SUPT3H: variants seen among roughly 807,000 people sequenced by gnomAD.
SUPT3H encodes SPT3 homolog, SAGA and STAGA complex component, also known as transcription initiation protein SPT3 homolog.
Under a neutral mutation model 44.3 loss-of-function variants are expected in SUPT3H, and 44 were observed. The observed-to-expected ratio is 0.99, with a 90% CI of 0.78 to 1.28. The LOEUF (loss-of-function observed/expected upper bound fraction) is 1.28. Ranked by LOEUF, SUPT3H falls within the 50% of genes most tolerant of loss-of-function variation. The pLI, the probability that SUPT3H is intolerant of heterozygous loss-of-function variation, is 0.00. For synonymous variants in SUPT3H, 124 were observed against 125.6 expected, an observed-to-expected ratio of 0.99 and a Z score of 0.09; for missense variants, 380 against 387.1, an observed-to-expected ratio of 0.98 and a Z score of 0.15.
chr6:45,190,626 T>C (rs1170860048), intron 2 of SUPT3H, among the ~76,000 whole-genome samples: 1 of 152,122 alleles, frequency 6.6e-6, no homozygotes, highest in African/African-American at 2.4e-5. Context: ...GGGAAGATTT[T>C]AAAAATAAAT....
intron 6 of SUPT3H, among the ~76,000 whole-genome samples, chr6:45,000,907 T>C (rs1172496477): frequency 6.6e-6 from 1 of 152,048 alleles, no homozygotes; most frequent in Non-Finnish European, 1.5e-5. Context: ...TAAGCACCCA[T>C]TGTTTACATC....
At chr6:45,055,166 G>A (rs985978166) in intron 3 of SUPT3H, among the ~76,000 whole-genome samples, 1 of 152,098 alleles carries the variant, frequency 6.6e-6, no homozygotes, top group African/African-American at 2.4e-5. Flanking sequence ...CAGAGATTCT[G>A]AGAGTTGCTA....
At chr6:45,356,743 T>A (rs1174695173) in intron 2 of SUPT3H, among the ~76,000 whole-genome samples, 1 of 152,086 alleles carries the variant, frequency 6.6e-6, no homozygotes. Context: ...AAAGTGTCCA[T>A]CAGTCTCACA....
intron 10 of SUPT3H, among the ~76,000 whole-genome samples, chr6:44,870,874 A>T (rs1244863681): frequency 6.6e-6 from 1 of 151,730 alleles, no homozygotes; most frequent in Non-Finnish European, 1.5e-5. Context: ...TCCGAGTCAA[A>T]GAAAGGGGTG....
rs1482695270 is a variant in SUPT3H at position 45,348,774 on chromosome 6, G to A, written c.101+16427C>T. On this transcript the variant is annotated intron_variant, in intron 2 of 10. Transcript: ENST00000371459. ...TGTTAGTGCACATTACCTATTTAGT[G>A]ATGGAAGTGATATTTCCTCTTCCCA... Among the ~76,000 whole-genome samples the A allele has an allele frequency of 2.6e-5, 4 of 151,850 alleles. No homozygotes were observed. In the East Asian group the frequency reaches 7.7e-4, roughly 29 times the overall value.
At chr6:45,306,439 C>A (rs899468305) in intron 2 of SUPT3H, among the ~76,000 whole-genome samples, 1 of 152,138 alleles carries the variant, frequency 6.6e-6, no homozygotes, top group Non-Finnish European at 1.5e-5. Flanking sequence ...GCTGGCAGAG[C>A]TACACAGATT....
At chr6:45,002,383 T>C (rs1002619979) in intron 6 of SUPT3H, among the ~76,000 whole-genome samples, 9 of 152,086 alleles carry the variant, frequency 5.9e-5, no homozygotes, top group Non-Finnish European at 1.3e-4. Flanking sequence ...CCCATCAAAA[T>C]TGAAAAGTTA....
intron 10 of SUPT3H, among the ~76,000 whole-genome samples, chr6:44,922,658 T>C (rs1272142720): frequency 6.6e-6 from 1 of 152,206 alleles, no homozygotes; most frequent in Non-Finnish European, 1.5e-5. Flanking sequence ...ACTGATATGT[T>C]ATTTTTCTAA....
chr6:45,050,104 C>A (rs1790036766), intron 3 of SUPT3H, among the ~76,000 whole-genome samples: 1 of 152,150 alleles, frequency 6.6e-6, no homozygotes, highest in Admixed American at 6.5e-5. Context: ...GGATTCCACC[C>A]ACAAGGACAT....
chr6:45,004,883 G>A (rs1291812679), intron 5 of SUPT3H, among the ~76,000 whole-genome samples: 1 of 152,078 alleles, frequency 6.6e-6, no homozygotes, highest in Non-Finnish European at 1.5e-5. Context: ...CTTCTTAACG[G>A]CTGTGTAATA....
chr6:45,328,598 GTC>G, intron 2 of SUPT3H: 1 of 1,601,522 alleles, frequency 6.2e-7, no homozygotes, highest in Non-Finnish European at 8.5e-7. Flanking sequence ...TAAATATAAA[GTC>G]TATGTACTCC....
At chr6:44,916,834 A>G (rs1302174926) in intron 10 of SUPT3H, among the ~76,000 whole-genome samples, 1 of 152,180 alleles carries the variant, frequency 6.6e-6, no homozygotes, top group Non-Finnish European at 1.5e-5. Context: ...GACACTTATT[A>G]AAAGTTGCTA....
At chr6:45,211,126 G>A (rs1163534279) in intron 2 of SUPT3H, among the ~76,000 whole-genome samples, 1 of 152,046 alleles carries the variant, frequency 6.6e-6, no homozygotes, top group Non-Finnish European at 1.5e-5. Flanking sequence ...AAATTTTAAT[G>A]AGTCAAAATT....
Position 44,862,847 on chromosome 6 carries a change from A to T in SUPT3H, c.913-32990T>A, listed in dbSNP as rs375020329. ...GACGTATTGAAGGAGGACATTAAAA[A>T]ATTTTAAAAACACCTTGAACCTGAT... is the stretch of plus-strand genomic sequence containing the variant. On this transcript the variant is annotated intron_variant, in intron 10 of 10. Coordinates refer to ENST00000371459, the MANE Select transcript of SUPT3H (RefSeq NM_003599.4). Among the ~76,000 whole-genome samples the T allele has an allele frequency of 3.9e-5, 6 of 152,134 alleles. No individual in the cohort carries two copies. In the East Asian group the frequency reaches 1.2e-3, roughly 29 times the overall value.
chr6:44,824,563 A>G (rs769802530), downstream of SUPT3H, among the ~76,000 whole-genome samples: 1 of 152,142 alleles, frequency 6.6e-6, no homozygotes, highest in Non-Finnish European at 1.5e-5. Context: ...AAAGGACATA[A>G]ATCAGAAGGT....
chr6:45,006,775 AG>A (rs1782780595), intron 5 of SUPT3H, among the ~76,000 whole-genome samples: 1 of 152,022 alleles, frequency 6.6e-6, no homozygotes, highest in Non-Finnish European at 1.5e-5. Flanking sequence ...TCCGATGAAA[AG>A]GGGTATTATT....
At chr6:44,839,754 T>C (rs1581918255) in intron 10 of SUPT3H, among the ~76,000 whole-genome samples, 1 of 151,746 alleles carries the variant, frequency 6.6e-6, no homozygotes, top group African/African-American at 2.4e-5. Context: ...CAGGCTGGAG[T>C]GCAGTGGCGC....
At chr6:45,316,904 C>T (rs982157052) in intron 2 of SUPT3H, among the ~76,000 whole-genome samples, 1 of 152,084 alleles carries the variant, frequency 6.6e-6, no homozygotes, top group Non-Finnish European at 1.5e-5. Flanking sequence ...GAAAGATATT[C>T]TAACTTTATG....
At chr6:44,976,899 G>A (rs1317605377) in intron 6 of SUPT3H, among the ~76,000 whole-genome samples, 4 of 152,138 alleles carry the variant, frequency 2.6e-5, no homozygotes, top group Admixed American at 1.3e-4. Flanking sequence ...AAAATCCTCT[G>A]CAATCATAAG....
Sources: allele counts gnomAD v4.1 joint callset (sites outside exome capture counted in the v4.1 genomes callset), GRCh38; gene constraint gnomAD v4.1.1; transcripts MANE v1.5; gene names NCBI Gene and HGNC (gene_info 2026-07-23, HGNC 2026-07-21).